MAML3: variants seen among roughly 807,000 people sequenced by gnomAD.
The protein encoded by MAML3 is mastermind-like protein 3.
In MAML3, 27 loss-of-function variants were observed where a neutral mutation model predicts 101.9. The ratio of observed to expected loss-of-function variants is 0.27; its 90% confidence interval spans 0.20 to 0.37. The LOEUF (loss-of-function observed/expected upper bound fraction) is 0.37. Ranked by LOEUF, MAML3 falls within the 10% of genes least tolerant of loss-of-function variation. The pLI is 1.00. For missense variants in MAML3, 1,316 were observed against 1,444.9 expected (o/e 0.91, Z 1.45); for synonymous variants, 501 against 555.9 (o/e 0.90, Z 1.39).
chr4:139,807,869 T>C (rs1442718651), intron 2 of MAML3, among the ~76,000 whole-genome samples: 1 of 151,128 alleles, frequency 6.6e-6, no homozygotes, highest in African/African-American at 2.4e-5. Flanking sequence ...CATGATACAC[T>C]CCAAATTTGA....
At chr4:139,799,571 A>T (rs78512969) in intron 2 of MAML3, among the ~76,000 whole-genome samples, 1 of 152,234 alleles carries the variant, frequency 6.6e-6, no homozygotes, top group African/African-American at 2.4e-5. Flanking sequence ...TTCTGTCCTC[A>T]TAAGACAGTA....
chr4:139,865,879 G>A (rs779943696), intron 2 of MAML3, among the ~76,000 whole-genome samples: 11 of 152,236 alleles, frequency 7.2e-5, no homozygotes, highest in African/African-American at 1.7e-4. Flanking sequence ...TTGGATACCC[G>A]GAGCCCCAGA....
intron 1 of MAML3, among the ~76,000 whole-genome samples, chr4:140,047,374 T>C (rs532431444): frequency 3.9e-5 from 6 of 152,234 alleles, no homozygotes; most frequent in African/African-American, 7.2e-5. Flanking sequence ...CAGAGAATTA[T>C]ACACCAGGAA....
intron 1 of MAML3, among the ~76,000 whole-genome samples, chr4:140,100,308 T>C (rs958897057): frequency 6.6e-6 from 1 of 152,202 alleles, no homozygotes; most frequent in Non-Finnish European, 1.5e-5. Context: ...ATTTAAACTT[T>C]TGTTCTCCAG....
intron 1 of MAML3, among the ~76,000 whole-genome samples, chr4:140,151,879 C>T (rs1475885112): frequency 6.6e-6 from 1 of 152,220 alleles, no homozygotes; most frequent in African/African-American, 2.4e-5. Flanking sequence ...GCCCACCCAG[C>T]CATTTAAGCC....
intron 1 of MAML3, among the ~76,000 whole-genome samples, chr4:139,929,795 A>G (rs1200061090): frequency 6.6e-6 from 1 of 152,238 alleles, no homozygotes; most frequent in East Asian, 1.9e-4. Flanking sequence ...TGTTTGCAGG[A>G]TGATAGACAA....
At chr4:139,931,286 CT>C (rs1399773527) in intron 1 of MAML3, among the ~76,000 whole-genome samples, 1 of 152,172 alleles carries the variant, frequency 6.6e-6, no homozygotes, top group Non-Finnish European at 1.5e-5. Context: ...TTCTGGCTAC[CT>C]CATTTATCCT....
rs535274537 is a variant in MAML3 at position 139,989,546 on chromosome 4, T to C, written c.469-98579A>G. ...CAGCCATCTTCAGTGTGGGATGCTA[T>C]GACTCACGGTCCATGAGTCATGGAG... On this transcript the variant is annotated intron_variant, in intron 1 of 4. Transcript: ENST00000509479. 2.6e-5 allele frequency among the ~76,000 whole-genome samples: 4 copies of C among 152,202 alleles called. No homozygotes were observed. In the East Asian group the frequency reaches 7.7e-4, roughly 29 times the overall value.
At chr4:139,926,423 ACC>A (rs1471292239) in intron 1 of MAML3, among the ~76,000 whole-genome samples, 3 of 152,136 alleles carry the variant, frequency 2.0e-5, no homozygotes, top group African/African-American at 7.2e-5. Flanking sequence ...ACAGGGTGAA[ACC>A]CTCTCTCTAC....
intron 1 of MAML3, among the ~76,000 whole-genome samples, chr4:140,036,987 A>G (rs1726996249): frequency 6.6e-6 from 1 of 152,228 alleles, no homozygotes; most frequent in Non-Finnish European, 1.5e-5. Flanking sequence ...ACAAGAATTT[A>G]TATCAGACTG....
chr4:139,870,508 A>G (rs1418443991), intron 2 of MAML3, among the ~76,000 whole-genome samples: 1 of 152,206 alleles, frequency 6.6e-6, no homozygotes, highest in Non-Finnish European at 1.5e-5. Context: ...TTGCTTTTTA[A>G]GCATTAGAAA....
At chr4:140,148,122 G>A (rs1729096325) in intron 1 of MAML3, among the ~76,000 whole-genome samples, 1 of 152,072 alleles carries the variant, frequency 6.6e-6, no homozygotes, top group Non-Finnish European at 1.5e-5. Context: ...CTATGTACAG[G>A]ACTGCCCATT....
At chr4:140,121,921 A>G (rs1035348489) in intron 1 of MAML3, among the ~76,000 whole-genome samples, 1 of 152,058 alleles carries the variant, frequency 6.6e-6, no homozygotes, top group Non-Finnish European at 1.5e-5. Flanking sequence ...TGTTCTTGTG[A>G]TAGTGAGTTC....
At chr4:139,920,145 AT>A (rs375687260) in intron 1 of MAML3, among the ~76,000 whole-genome samples, 1 of 152,006 alleles carries the variant, frequency 6.6e-6, no homozygotes, top group African/African-American at 2.4e-5. Flanking sequence ...GACTCTAGTT[AT>A]TTTTTTTCCA....
intron 1 of MAML3, among the ~76,000 whole-genome samples, chr4:139,983,975 T>C (rs753698237): frequency 6.6e-6 from 1 of 152,076 alleles, no homozygotes; most frequent in Non-Finnish European, 1.5e-5. Flanking sequence ...TAATGGAGGA[T>C]AAGATGGGAG....
At chr4:140,152,798 G>GCCC (rs1302047765) in intron 1 of MAML3, 62 bp downstream of exon 1, 61 of 1,555,636 alleles carry the variant, frequency 3.9e-5, no homozygotes, top group Middle Eastern at 2.4e-4. Context: ...AGCTCCACGC[G>GCCC]CCCCCCACCA....
At chr4:139,767,267 G>A (rs1194737516) in intron 2 of MAML3, among the ~76,000 whole-genome samples, 1 of 152,190 alleles carries the variant, frequency 6.6e-6, no homozygotes, top group Non-Finnish European at 1.5e-5. Context: ...GTGTTCGTTA[G>A]GAAAGCACAG....
At chr4:139,963,246 C>T (rs536406585) in intron 1 of MAML3, among the ~76,000 whole-genome samples, 16 of 152,130 alleles carry the variant, frequency 1.1e-4, no homozygotes, top group Non-Finnish European at 2.2e-4. Flanking sequence ...TAGCGAGACC[C>T]CTTTGTCTTA....
chr4:139,829,248 A>C (rs1187857708), intron 2 of MAML3, among the ~76,000 whole-genome samples: 1 of 151,998 alleles, frequency 6.6e-6, no homozygotes, highest in Non-Finnish European at 1.5e-5. Flanking sequence ...GAAGGAAGGA[A>C]GGAAAAAGAA....
Sources: gnomAD v4.1 joint callset for allele counts (sites outside exome capture counted in the v4.1 genomes callset) on GRCh38, gnomAD v4.1.1 for gene constraint, MANE v1.5 for transcripts, NCBI Gene and HGNC (gene_info 2026-07-23, HGNC 2026-07-21) for gene names.